The following HRH2 variants were observed in gnomAD, a reference collection of about 807,000 sequenced individuals.
HRH2 encodes the protein histamine receptor H2, also known as histamine H2 receptor.
A neutral mutation model predicts 20.1 loss-of-function variants in HRH2; 4 were observed. The observed-to-expected ratio is 0.20, with a 90% CI of 0.10 to 0.45. The LOEUF (loss-of-function observed/expected upper bound fraction) is 0.45, where lower values mean the gene tolerates loss of function less well. HRH2 is among the 20% of genes least tolerant of loss of function. HRH2 has a pLI of 0.99. For missense variants in HRH2, 250 were observed against 461.6 expected, an observed-to-expected ratio of 0.54 and a Z score of 4.20; for synonymous variants, 197 against 200.7, an observed-to-expected ratio of 0.98 and a Z score of 0.16.
rs1203678770 is a variant in HRH2, at chr5:175,681,901, C to A, written c.-525-808C>A. On this transcript the variant is annotated intron_variant, in intron 1 of 2. Transcript: ENST00000636584. This position sits in a 1 kb window ranked among gnomAD's most constrained non-coding sequence, Gnocchi z 4.3. Reference sequence around the variant, plus strand: ...AGAGATGCGTTCGGAGCAGGGGTGGCGTGGATGACAGGTGACGAACTGCCG... The same window carrying A: ...AGAGATGCGTTCGGAGCAGGGGTGGAGTGGATGACAGGTGACGAACTGCCG... Among the ~76,000 whole-genome samples, 3 of 152,140 alleles carry A rather than the reference C, an allele frequency of 2.0e-5. No individual in the cohort carries two copies.
chr5:175,670,043 G>A (rs1404002362), intron 1 of HRH2, among the ~76,000 whole-genome samples: 3 of 152,180 alleles, frequency 2.0e-5, no homozygotes, highest in Non-Finnish European at 4.4e-5. Context: ...CCAGGCAGGG[G>A]GCATCACTGC....
At chr5:175,667,171 C>T (rs890936557) in intron 1 of HRH2, among the ~76,000 whole-genome samples, 6 of 152,008 alleles carry the variant, frequency 3.9e-5, no homozygotes, top group East Asian at 1.9e-4. Flanking sequence ...TGGCTGGGTG[C>T]GGTGGCTCAT....
chr5:175,684,320 T>C lies in HRH2; in HGVS notation c.1076+11T>C. 1 of 1,610,758 alleles carries C rather than the reference T, an allele frequency of 6.2e-7. No individual in the cohort carries two copies. Among genetic ancestry groups the C allele is most frequent in the Non-Finnish European group, 8.5e-7 (1 of 1,177,932 alleles). On this transcript the variant is annotated intron_variant, in intron 2 of 2. Coordinates refer to ENST00000636584, the MANE Select transcript of HRH2 (RefSeq NM_001367711.1). ...GGGAGCCACAGACAGGTAATAGCCC[T>C]AGCCATTGGTGCACAGGATGGGGGC... is the stretch of plus-strand genomic sequence containing the variant.
At chr5:175,661,764 G>A (rs1423594705) in intron 1 of HRH2, among the ~76,000 whole-genome samples, 1 of 152,226 alleles carries the variant, frequency 6.6e-6, no homozygotes, top group Non-Finnish European at 1.5e-5. Flanking sequence ...GCTCACGCCT[G>A]TAATCCCAGC....
intron 1 of HRH2, among the ~76,000 whole-genome samples, chr5:175,663,986 C>T (rs1488836940): frequency 6.6e-6 from 1 of 152,174 alleles, no homozygotes; most frequent in African/African-American, 2.4e-5. Context: ...ACAGCAATGC[C>T]AGGAGGGTGC....
At chr5:175,670,681 A>C (rs191072715) in intron 1 of HRH2, among the ~76,000 whole-genome samples, 150 of 152,294 alleles carry the variant, frequency 9.8e-4, no homozygotes, top group African/African-American at 3.5e-3. Flanking sequence ...CTGCAAATGC[A>C]ACCACCTGCC....
At chr5:175,700,946 G>A (rs895467869) in intron 2 of HRH2, among the ~76,000 whole-genome samples, 1 of 152,120 alleles carries the variant, frequency 6.6e-6, no homozygotes, top group African/African-American at 2.4e-5. Context: ...GAAAATACAG[G>A]AATTTAAAGC....
At chr5:175,667,586 C>T (rs1762942803) in intron 1 of HRH2, among the ~76,000 whole-genome samples, 1 of 152,076 alleles carries the variant, frequency 6.6e-6, no homozygotes, top group African/African-American at 2.4e-5. Flanking sequence ...TGGCTGTCCC[C>T]CCACATCCCC....
At chr5:175,694,356 C>G (rs1397848672) in intron 2 of HRH2, among the ~76,000 whole-genome samples, 1 of 152,116 alleles carries the variant, frequency 6.6e-6, no homozygotes. Context: ...TGTAAGTCCC[C>G]GGAGGCTGTC....
intron 1 of HRH2, among the ~76,000 whole-genome samples, chr5:175,675,679 C>T (rs1346315811): frequency 6.6e-6 from 1 of 152,214 alleles, no homozygotes; most frequent in Non-Finnish European, 1.5e-5. Flanking sequence ...GAGCCCATCT[C>T]AGCCATATGG....
intron 1 of HRH2, among the ~76,000 whole-genome samples, chr5:175,668,439 G>A (rs1755392458): frequency 6.6e-6 from 1 of 152,142 alleles, no homozygotes; most frequent in Admixed American, 6.5e-5. Flanking sequence ...TCAGGAAGTT[G>A]GCTCTAGAAG....
In HRH2 at chr5:175,665,180, T is replaced by G. The variant is rs146763341; in HGVS notation, c.-526+7025T>G. On this transcript the variant is annotated intron_variant, in intron 1 of 2. Transcript: ENST00000636584. The stretch of plus-strand genomic sequence containing the variant: ...AGAATCATCTGAAGGGGGTATGGGT[T>G]GAAGGAAAGGAAGGAATCTAAGTAA... 3.6e-3 allele frequency among the ~76,000 whole-genome samples: 540 copies of G among 152,084 alleles called. 1 individual carries two copies. The highest frequency in any genetic ancestry group is 0.02 in the Middle Eastern group (6 of 294).
At chr5:175,684,397 T>C in intron 2 of HRH2, 88 bp downstream of exon 2, 1 of 1,524,494 alleles carries the variant, frequency 6.6e-7, no homozygotes, top group South Asian at 1.3e-5. Context: ...GCTGTTTAGG[T>C]GGTGCTGGTT....
At position 175,686,820 on chromosome 5, in the gene HRH2, G is replaced by A. The variant is rs1409429801; in HGVS notation, c.1076+2511G>A. Among the ~76,000 whole-genome samples the A allele has an allele frequency of 6.6e-6, 1 of 152,226 alleles. No individual in the cohort carries two copies. The highest frequency in any genetic ancestry group is 2.4e-5 in the African/African-American group (1 of 41,448). ...GGTGGGAAAACTGAGGCACACAGAA[G>A]TCAAGTAAACTGCCCCAAGGGATAC... is the stretch of plus-strand genomic sequence containing the variant. On this transcript the variant is annotated intron_variant, in intron 2 of 2. Transcript: ENST00000636584. The surrounding 1 kb of genome is among the most constrained non-coding windows in gnomAD (Gnocchi z 4.7).
rs1262249561 is a variant in HRH2, at chr5:175,677,102, T to C, written c.-525-5607T>C. 1.3e-5 allele frequency among the ~76,000 whole-genome samples: 2 copies of C among 152,206 alleles called. No individual in the cohort carries two copies. Among genetic ancestry groups the C allele is most frequent in the Non-Finnish European group, 2.9e-5 (2 of 68,030 alleles). On this transcript the variant is annotated intron_variant, in intron 1 of 2. Transcript: ENST00000636584. The surrounding 1 kb of genome is among the most constrained non-coding windows in gnomAD (Gnocchi z 4.2). Reference sequence around the variant, plus strand: ...CTTGAACCCCTGGGCTCAAGCGATCTTCCCACCTCGGCCTCCCGAGTAGCC... The same window carrying C: ...CTTGAACCCCTGGGCTCAAGCGATCCTCCCACCTCGGCCTCCCGAGTAGCC...
chr5:175,693,535 T>C lies in HRH2; in HGVS notation c.1076+9226T>C, dbSNP rs1339926490. ...CGTGAGGACTGACCACATCCCTTTG[T>C]TACCCAGGGTGGGTGGACTGGCTGT... On this transcript the variant is annotated intron_variant, in intron 2 of 2. Coordinates refer to ENST00000636584, the MANE Select transcript of HRH2 (RefSeq NM_001367711.1). The surrounding 1 kb of genome is among the most constrained non-coding windows in gnomAD (Gnocchi z 4.4). Among the ~76,000 whole-genome samples, 1 of 152,198 alleles carries C rather than the reference T, an allele frequency of 6.6e-6. No individual in the cohort carries two copies. The highest frequency in any genetic ancestry group is 1.5e-5 in the Non-Finnish European group (1 of 68,044).
In HRH2 at chr5:175,708,610, A is replaced by G. The variant is rs1028965773; in HGVS notation, c.*639A>G. 1 of 152,290 alleles carries G rather than the reference A, an allele frequency of 6.6e-6. No individual in the cohort carries two copies. The highest frequency in any genetic ancestry group is 1.5e-5 in the Non-Finnish European group (1 of 68,122). The allele number at this position is 152,290 out of a possible 1,614,324, so 9.4% of individuals were successfully genotyped here. ...TCAGCACCTAGAAAGTGTGCCTAGCACATAGGAGGCACACAAAAATATGTG... is the reference window on the plus strand; with the variant it reads ...TCAGCACCTAGAAAGTGTGCCTAGCGCATAGGAGGCACACAAAAATATGTG... On this transcript the variant is annotated 3_prime_UTR_variant, in exon 3 of 3. Coordinates refer to ENST00000636584, the MANE Select transcript of HRH2 (RefSeq NM_001367711.1).
chr5:175,705,071 T>C (rs1205534458), intron 2 of HRH2, among the ~76,000 whole-genome samples: 8 of 152,136 alleles, frequency 5.3e-5, no homozygotes. Flanking sequence ...AAATGACTCA[T>C]AGATCCTGGA....
rs1004036546 is a variant in HRH2, at chr5:175,706,102, T to C, written c.1077-1677T>C. Among the ~76,000 whole-genome samples the C allele has an allele frequency of 2.3e-4, 35 of 152,216 alleles. 1 individual carries two copies. Among genetic ancestry groups the C allele is most frequent in the Non-Finnish European group, 8.8e-5 (6 of 68,044 alleles). On this transcript the variant is annotated intron_variant, in intron 2 of 2. Transcript: ENST00000636584. ...ATCATAAAACACGATTTTATATACC[T>C]ACAAGTGAAATACAGGTAGAACAAC...
Sources: allele counts gnomAD v4.1 joint callset (sites outside exome capture counted in the v4.1 genomes callset), GRCh38; gene constraint gnomAD v4.1.1; non-coding constraint Gnocchi (gnomAD v3.1); transcripts MANE v1.5; gene names NCBI Gene and HGNC (gene_info 2026-07-23, HGNC 2026-07-21).